TMPRSS2: variants seen among roughly 807,000 people sequenced by gnomAD.
TMPRSS2 encodes transmembrane serine protease 2.
In TMPRSS2, 59 loss-of-function variants were observed where a neutral mutation model predicts 67.4. The ratio of observed to expected loss-of-function variants is 0.88; its 90% CI spans 0.71 to 1.09. The LOEUF is 1.09. Ranked by LOEUF, TMPRSS2 falls within the 50% of genes least tolerant of loss-of-function variation. TMPRSS2 has a pLI of 0.00. For missense variants in TMPRSS2, 668 were observed against 642.7 expected (o/e 1.04, Z -0.43); for synonymous variants, 257 against 257.0 (o/e 1.00, Z 0.00).
intron 2 of TMPRSS2, among the ~76,000 whole-genome samples, chr21:41,497,516 T>TA (rs1367335034): frequency 1.3e-5 from 2 of 152,088 alleles, no homozygotes; most frequent in African/African-American, 4.8e-5. Context: ...ACAGACCCAG[T>TA]AAAAAATGAA....
In TMPRSS2 at chr21:41,500,584, G is replaced by A. The variant is rs372334914; in HGVS notation, c.-56-2395C>T. On this transcript the variant is annotated intron_variant, in intron 1 of 13. Coordinates refer to ENST00000332149, the MANE Select transcript of TMPRSS2 (RefSeq NM_005656.4). ...AGTCTCGAGAAACCTCACCCAACAG[G>A]TTACAACAAACATGCACCAATCATT... 1.3e-5 allele frequency among the ~76,000 whole-genome samples: 2 copies of A among 152,202 alleles called. 1 individual carries two copies. The highest frequency in any genetic ancestry group is 3.9e-4 in the East Asian group (2 of 5,184).
chr21:41,499,753 G>A (rs573044175), intron 1 of TMPRSS2, among the ~76,000 whole-genome samples: 17 of 152,178 alleles, frequency 1.1e-4, no homozygotes, highest in East Asian at 1.9e-4. Context: ...ACCTGCCTCC[G>A]TGGTCCTGAA....
chr21:41,480,638 CT>C (rs371907426), intron 5 of TMPRSS2, 36 bp from the exon 6 acceptor site: 14 of 1,599,866 alleles, frequency 8.8e-6, no homozygotes, highest in Middle Eastern at 1.7e-4. Context: ...GAGTTTCTTT[CT>C]TTTTTTTTCT....
At chr21:41,496,789 T>C (rs1343102411) in intron 2 of TMPRSS2, among the ~76,000 whole-genome samples, 1 of 149,804 alleles carries the variant, frequency 6.7e-6, no homozygotes, top group Non-Finnish European at 1.5e-5. Flanking sequence ...CATGCAAAAC[T>C]TTTTCCTATT....
rs1230468438 is a variant in TMPRSS2, at chr21:41,508,043, G to A, written c.-57+38C>T. On this transcript the variant is annotated intron_variant, in intron 1 of 13. Transcript: ENST00000332149. ...GCGCCCAGGTTCCCCTCCCCAGCCCGGACCCCGAGCCGGGACCCTGGTACC... is the reference window on the plus strand; with the variant it reads ...GCGCCCAGGTTCCCCTCCCCAGCCCAGACCCCGAGCCGGGACCCTGGTACC... The A allele has an allele frequency of 4.6e-6, 6 of 1,301,898 alleles. No individual in the cohort carries two copies. In the African/African-American group the frequency reaches 4.6e-5, roughly 10 times the overall value. 80.6% of individuals were successfully genotyped at this position (1,301,898 alleles called of 1,614,324 possible).
intron 6 of TMPRSS2, 61 bp from the exon 7 acceptor site, chr21:41,479,343 C>A (rs1356484582): frequency 3.1e-6 from 4 of 1,298,380 alleles, no homozygotes; most frequent in Non-Finnish European, 4.4e-6. Context: ...AAATCCTATA[C>A]TATGTCATAA....
chr21:41,496,728 T>C (rs78217567), intron 2 of TMPRSS2, among the ~76,000 whole-genome samples: 5,328 of 151,826 alleles, frequency 0.035, 141 homozygotes, highest in Non-Finnish European at 0.052. Context: ...ACCTGTTGGC[T>C]GGGCCACTCT....
At chr21:41,504,936 G>A (rs1323351420) in intron 1 of TMPRSS2, among the ~76,000 whole-genome samples, 5 of 152,124 alleles carry the variant, frequency 3.3e-5, no homozygotes, top group Admixed American at 1.3e-4. Context: ...AAGGAGGGGC[G>A]GGGAAGAGTA....
At chr21:41,489,663 A>G in intron 3 of TMPRSS2, 70 bp from the exon 4 acceptor site, 1 of 1,005,234 alleles carries the variant, frequency 9.9e-7, no homozygotes, top group Non-Finnish European at 1.5e-6. Context: ...AATGTTATCT[A>G]TTATTTTTAT....
intron 5 of TMPRSS2, among the ~76,000 whole-genome samples, chr21:41,483,537 C>T (rs1379974303): frequency 6.6e-6 from 1 of 151,646 alleles, no homozygotes; most frequent in East Asian, 1.9e-4. Context: ...ACCCCCTCCG[C>T]CCCCCACCTC....
chr21:41,471,820 G>C lies in TMPRSS2; in HGVS notation c.1061C>G (p.Pro354Arg). 1 of 1,604,146 alleles carries C rather than the reference G, an allele frequency of 6.2e-7. No homozygotes were observed. The highest frequency in any genetic ancestry group is 1.1e-5 in the South Asian group (1 of 90,450). The change falls in exon 10 of 14, where the codon CCT becomes CGT. Residue 354 changes from proline (P) to arginine (R), a missense_variant. Pro to Arg is a moderately radical substitution (Grantham distance 103). Transcript: ENST00000332149. ...GCCACACGTACCGTTGAAAGTCAGAGGCTTCTGCAGCTTCATCAGCGCAAT... is the reference window on the plus strand; with the variant it reads ...GCCACACGTACCGTTGAAAGTCAGACGCTTCTGCAGCTTCATCAGCGCAAT... Reference protein sequence around the residue: ...NDIALMKLQKPLTFNDLVKPV... With the variant: ...NDIALMKLQKRLTFNDLVKPV...
At position 41,465,764 on chromosome 21, in the gene TMPRSS2, C is replaced by A; in HGVS notation, c.*378G>T. ...CACCTGGCTGTCTCCCTTTCCATGT[C>A]TCTCCTTTTTCATCTCAAGTCATCC... On this transcript the variant is annotated 3_prime_UTR_variant, in exon 14 of 14. Coordinates refer to ENST00000332149, the MANE Select transcript of TMPRSS2 (RefSeq NM_005656.4). 3.5e-6 allele frequency: 1 copy of A among 288,874 alleles called. No individual in the cohort carries two copies. The highest frequency in any genetic ancestry group is 6.4e-6 in the Non-Finnish European group (1 of 155,100). The allele number at this position is 288,874 out of a possible 1,614,324, so 17.9% of individuals were successfully genotyped here. A position where few individuals can be genotyped will look rare whatever the true frequency, so the allele number is the denominator to read the frequency against.
intron 1 of TMPRSS2, among the ~76,000 whole-genome samples, chr21:41,505,101 C>A (rs145728087): frequency 7.7e-4 from 117 of 152,244 alleles, no homozygotes; most frequent in African/African-American, 2.6e-3. Flanking sequence ...CTAGCAAGGC[C>A]ACTTTCCAAG....
chr21:41,483,443 C>T (rs552256264), intron 5 of TMPRSS2, among the ~76,000 whole-genome samples: 11 of 152,114 alleles, frequency 7.2e-5, no homozygotes, highest in Admixed American at 3.3e-4. Context: ...ACCACCACGC[C>T]GGCTAATTTT....
At position 41,473,333 on chromosome 21, in the gene TMPRSS2, G is replaced by A. The variant is rs143291395; in HGVS notation, c.891C>T (p.Cys297=). The change falls in exon 9 of 14, where the codon TGC becomes TGT. Residue 297 remains cysteine, a synonymous_variant. Transcript: ENST00000332149. ...CGCCGCCCCTGGCATACTTTTCCACGCAGTGGGCGGCTGTCACGATCCACT... is the reference window on the plus strand; with the variant it reads ...CGCCGCCCCTGGCATACTTTTCCACACAGTGGGCGGCTGTCACGATCCACT... ...TPEWIVTAAH[C]VEKPLNNPWH... 1.2e-4 allele frequency: 194 copies of A among 1,597,664 alleles called. No individual in the cohort carries two copies. In the African/African-American group the frequency reaches 1.7e-3, roughly 14 times the overall value.
At chr21:41,495,626 C>A (rs535103772) in intron 2 of TMPRSS2, among the ~76,000 whole-genome samples, 70 of 128,302 alleles carry the variant, frequency 5.5e-4, no homozygotes, top group East Asian at 6.9e-4. Flanking sequence ...ACTCCCGTCT[C>A]AAAAAAAAAA....
chr21:41,470,550 G>T, intron 11 of TMPRSS2, 98 bp downstream of exon 11: 1 of 1,108,896 alleles, frequency 9.0e-7, no homozygotes, highest in South Asian at 1.5e-5. Flanking sequence ...TCCAGTCATT[G>T]AGTAGTAGAA....
In TMPRSS2 at chr21:41,473,368, T is replaced by G; in HGVS notation, c.856A>C (p.Ile286Leu). ...QNVHVCGGSIITPEWIVTAAH... is the reference protein window; with the variant it reads ...QNVHVCGGSILTPEWIVTAAH... ...GCTGTCACGATCCACTCGGGGGTGA[T>G]GATGGAGCCTCCGCACACGTGGACG... Residue 286 changes from isoleucine (I) to leucine (L), a missense_variant, in exon 9 of 14, where the codon ATC (isoleucine) becomes CTC (leucine). Transcript: ENST00000332149. 1 of 1,609,536 alleles carries G rather than the reference T, an allele frequency of 6.2e-7. No individual in the cohort carries two copies. Among genetic ancestry groups the G allele is most frequent in the African/African-American group, 1.3e-5 (1 of 74,938 alleles).
intron 5 of TMPRSS2, among the ~76,000 whole-genome samples, chr21:41,482,105 A>T (rs1392358052): frequency 8.6e-5 from 13 of 151,176 alleles, no homozygotes; most frequent in African/African-American, 2.2e-4. Flanking sequence ...TTTTTTTTTT[A>T]AAGTGCTCTT....
Sources: gnomAD v4.1 joint callset for allele counts (sites outside exome capture counted in the v4.1 genomes callset) on GRCh38, gnomAD v4.1.1 for gene constraint, MANE v1.5 for transcripts, NCBI Gene and HGNC (gene_info 2026-07-23, HGNC 2026-07-21) for gene names.